MECOM: variants seen among roughly 807,000 people sequenced by gnomAD.
The protein encoded by MECOM is MDS1 and EVI1 complex locus, also known as histone-lysine N-methyltransferase MECOM.
MECOM carries 13 observed loss-of-function variants against 116.3 expected under a neutral mutation model. That is an observed-to-expected ratio of 0.11 (90% CI 0.07 to 0.18). MECOM has a LOEUF of 0.18. MECOM is among the 10% of genes least tolerant of loss of function. The probability of loss-of-function intolerance (pLI) is 1.00; values close to 1 mark genes in which losing one functional copy is unlikely to be tolerated. For missense variants in MECOM, 1,299 were observed against 1,509.0 expected (o/e 0.86, Z 2.31); for synonymous variants, 528 against 535.2 (o/e 0.99, Z 0.19).
chr3:169,387,414 T>C (rs576423798), intron 1 of MECOM, among the ~76,000 whole-genome samples: 1 of 152,378 alleles, frequency 6.6e-6, no homozygotes, highest in South Asian at 2.1e-4. Context: ...TTGTTTCTTT[T>C]GGCCTTTCCG....
intron 2 of MECOM, among the ~76,000 whole-genome samples, chr3:169,156,295 T>C (rs912562069): frequency 6.6e-6 from 1 of 152,206 alleles, no homozygotes; most frequent in African/African-American, 2.4e-5. Context: ...GGCATCATCG[T>C]AGGTAATTAA....
chr3:169,197,378 G>A (rs1370878130), intron 2 of MECOM, among the ~76,000 whole-genome samples: 3 of 151,786 alleles, frequency 2.0e-5, no homozygotes, highest in Non-Finnish European at 2.9e-5. Context: ...CAAGTGCAGT[G>A]TGTGCGGACT....
intron 2 of MECOM, among the ~76,000 whole-genome samples, chr3:169,270,846 T>C (rs1374929813): frequency 1.3e-5 from 2 of 152,140 alleles, no homozygotes; most frequent in African/African-American, 4.8e-5. Flanking sequence ...CATGGTAAAA[T>C]ATTAATCAAG....
chr3:169,227,449 A>G (rs938265825), intron 2 of MECOM, among the ~76,000 whole-genome samples: 2 of 152,178 alleles, frequency 1.3e-5, no homozygotes, highest in African/African-American at 4.8e-5. Flanking sequence ...TAAATGCCCT[A>G]TAGAGTAAAT....
intron 1 of MECOM, among the ~76,000 whole-genome samples, chr3:169,453,910 CA>C (rs1746020232): frequency 6.6e-6 from 1 of 151,438 alleles, no homozygotes; most frequent in Admixed American, 6.6e-5. Flanking sequence ...AGGCTAAAAG[CA>C]ATGGATAATA....
chr3:169,346,555 T>A (rs1424321463), intron 2 of MECOM, among the ~76,000 whole-genome samples: 1 of 151,970 alleles, frequency 6.6e-6, no homozygotes, highest in Non-Finnish European at 1.5e-5. Flanking sequence ...CCTCGGTAGC[T>A]AACTAGATAT....
intron 2 of MECOM, among the ~76,000 whole-genome samples, chr3:169,314,617 A>G (rs374407027): frequency 6.6e-6 from 1 of 152,224 alleles, no homozygotes; most frequent in East Asian, 1.9e-4. Context: ...ACAATAAAAG[A>G]TGCCCAAGAA....
intron 1 of MECOM, among the ~76,000 whole-genome samples, chr3:169,580,140 C>T (rs1002107216): frequency 5.9e-5 from 9 of 152,122 alleles, no homozygotes; most frequent in African/African-American, 2.2e-4. Flanking sequence ...GACTATTTGT[C>T]TATATTTTGA....
chr3:169,237,394 T>C (rs13101097), intron 2 of MECOM, among the ~76,000 whole-genome samples: 1 of 152,136 alleles, frequency 6.6e-6, no homozygotes, highest in Admixed American at 6.5e-5. Context: ...ATAAAGATTG[T>C]GTAACTCACT....
At chr3:169,618,426 G>A (rs1219616184) in intron 1 of MECOM, among the ~76,000 whole-genome samples, 1 of 152,184 alleles carries the variant, frequency 6.6e-6, no homozygotes, top group Non-Finnish European at 1.5e-5. Context: ...GGAGGCTATG[G>A]TGGGGTGGAT....
At chr3:169,190,100 A>G (rs1747318610) in intron 2 of MECOM, among the ~76,000 whole-genome samples, 1 of 152,078 alleles carries the variant, frequency 6.6e-6, no homozygotes, top group African/African-American at 2.4e-5. Context: ...TTCTTTTAAA[A>G]TAACTCTGGC....
intron 2 of MECOM, among the ~76,000 whole-genome samples, chr3:169,222,894 T>C (rs1311927189): frequency 6.6e-6 from 1 of 152,178 alleles, no homozygotes; most frequent in African/African-American, 2.4e-5. Context: ...AAAAGGAAAT[T>C]CCATTAATAA....
chr3:169,662,976 T>A (rs1776513084), intron 1 of MECOM, among the ~76,000 whole-genome samples: 1 of 147,990 alleles, frequency 6.8e-6, no homozygotes, highest in South Asian at 2.2e-4. Flanking sequence ...GGGGGAGACT[T>A]TCTCCTCTTC....
intron 1 of MECOM, among the ~76,000 whole-genome samples, chr3:169,475,462 A>G (rs1750204456): frequency 6.6e-6 from 1 of 152,186 alleles, no homozygotes; most frequent in South Asian, 2.1e-4. Flanking sequence ...GATCACAGTG[A>G]CAAGCCAAAC....
Position 169,378,388 on chromosome 3 carries a change from AG to A in MECOM, c.375+2798del, listed in dbSNP as rs1195393756. On this transcript the variant is annotated intron_variant, in intron 2 of 16. Coordinates refer to ENST00000651503, the MANE Select transcript of MECOM (RefSeq NM_004991.4). ...AGGAAGGAAGCAAGGAAGGAAGACAAGAAAGAAAGAAAGAAAGAAAGAAAGA... is the reference window on the plus strand; with the variant it reads ...AGGAAGGAAGCAAGGAAGGAAGACAAAAAGAAAGAAAGAAAGAAAGAAAGA... 1.0e-4 allele frequency among the ~76,000 whole-genome samples: 3 copies of A among 29,088 alleles called. No individual in the cohort carries two copies. The African/African-American group carries it at 1.1e-3, about 10-fold the overall frequency. The allele number at this position is 29,088 out of a possible 152,430, so 19.1% of individuals were successfully genotyped here.
chr3:169,172,496 A>G (rs193115503), intron 2 of MECOM, among the ~76,000 whole-genome samples: 53 of 152,004 alleles, frequency 3.5e-4, no homozygotes, highest in South Asian at 8.3e-4. Flanking sequence ...CCCCCAATAA[A>G]CTTAATCTCA....
At chr3:169,370,961 T>C (rs1384609184) in intron 2 of MECOM, among the ~76,000 whole-genome samples, 1 of 151,958 alleles carries the variant, frequency 6.6e-6, no homozygotes. Flanking sequence ...TAAACAGTCC[T>C]CAAAAAATTG....
At chr3:169,223,130 ATT>A (rs11360204) in intron 2 of MECOM, among the ~76,000 whole-genome samples, 13 of 150,646 alleles carry the variant, frequency 8.6e-5, no homozygotes, top group East Asian at 2.0e-4. Flanking sequence ...AAAGTCCTAT[ATT>A]TTTTTTTTTA....
intron 2 of MECOM, among the ~76,000 whole-genome samples, chr3:169,358,352 C>T (rs1348061240): frequency 6.6e-6 from 1 of 151,682 alleles, no homozygotes; most frequent in Non-Finnish European, 1.5e-5. Flanking sequence ...ATAGAGGTTT[C>T]CATTCTTCCT....
Sources: allele counts gnomAD v4.1 joint callset (sites outside exome capture counted in the v4.1 genomes callset), GRCh38; gene constraint gnomAD v4.1.1; transcripts MANE v1.5; gene names NCBI Gene and HGNC (gene_info 2026-07-23, HGNC 2026-07-21).